Variants in DENND5A observed in about 807,000 individuals in gnomAD.
DENND5A encodes the protein DENN domain containing 5A.
A neutral mutation model predicts 140.3 loss-of-function variants in DENND5A; 64 were observed. The observed-to-expected ratio is 0.46, with a 90% CI of 0.37 to 0.56. DENND5A has a LOEUF of 0.56. Among genes scored for constraint, DENND5A ranks in the 20% least tolerant of loss-of-function variants. The pLI is 0.00. For synonymous variants in DENND5A, 605 were observed against 607.7 expected, an observed-to-expected ratio of 1.00 and a Z score of 0.07; for missense variants, 1,292 against 1,593.8, an observed-to-expected ratio of 0.81 and a Z score of 3.22.
intron 12 of DENND5A, among the ~76,000 whole-genome samples, chr11:9,155,804 G>C (rs564095853): frequency 3.3e-5 from 5 of 152,308 alleles, no homozygotes; most frequent in Middle Eastern, 3.4e-3. Flanking sequence ...CATCTCCTTG[G>C]AAGATGTCAC....
intron 17 of DENND5A, 174 bp downstream of exon 17, chr11:9,145,496 C>A: frequency 5.5e-6 from 4 of 733,802 alleles, no homozygotes; most frequent in South Asian, 1.8e-5. Context: ...GGGTGGGGTC[C>A]CCCTCCTCAG....
rs765794788 is a variant in DENND5A, at chr11:9,147,035, G to A, written c.2852C>T (p.Thr951Ile). 1.9e-6 allele frequency: 3 copies of A among 1,614,196 alleles called. No individual in the cohort carries two copies. The highest frequency in any genetic ancestry group is 2.2e-5 in the South Asian group (2 of 91,082). The change falls in exon 16 of 23, where the codon ACT becomes ATT. Residue 951 changes from threonine to isoleucine, a missense_variant. Coordinates refer to ENST00000328194, the MANE Select transcript of DENND5A (RefSeq NM_015213.4). ...DYFCFTNVFT[T>I]ILIPYHILIV... The stretch of plus-strand genomic sequence containing the variant: ...GGGAGCACAGGGCTACTCACGGATA[G>A]TTGTGAAGACATTGGTGAAGCAAAA...
At chr11:9,218,664 C>T (rs577609589) in intron 1 of DENND5A, among the ~76,000 whole-genome samples, 89 of 152,024 alleles carry the variant, frequency 5.9e-4, no homozygotes, top group African/African-American at 2.0e-3. Context: ...GAGCTGTGAT[C>T]GTGTCACTGC....
At chr11:9,248,966 G>A (rs1480602841) in intron 1 of DENND5A, among the ~76,000 whole-genome samples, 9 of 152,182 alleles carry the variant, frequency 5.9e-5, no homozygotes, top group South Asian at 4.2e-4. Context: ...GGCTGGGCGC[G>A]GTGGCTCACA....
intron 1 of DENND5A, among the ~76,000 whole-genome samples, chr11:9,220,407 C>T (rs1850263038): frequency 6.6e-6 from 1 of 151,784 alleles, no homozygotes; most frequent in African/African-American, 2.4e-5. Context: ...ATTAGCCGGG[C>T]GTGGTGGCAC....
intron 1 of DENND5A, among the ~76,000 whole-genome samples, chr11:9,261,026 T>C (rs1852172334): frequency 3.9e-5 from 1 of 25,942 alleles, no homozygotes; most frequent in Admixed American, 6.6e-4. Context: ...TTTTTTGTAC[T>C]TTCTGTAGAG....
intron 22 of DENND5A, among the ~76,000 whole-genome samples, chr11:9,141,019 G>C (rs759651121): frequency 6.6e-6 from 1 of 152,084 alleles, no homozygotes; most frequent in African/African-American, 2.4e-5. Context: ...CCAGCTACTC[G>C]GGAGGCTGAG....
At chr11:9,227,313 C>T (rs1266791161) in intron 1 of DENND5A, among the ~76,000 whole-genome samples, 2 of 152,132 alleles carry the variant, frequency 1.3e-5, no homozygotes, top group African/African-American at 2.4e-5. Context: ...TATTACATTA[C>T]GATCACTCAA....
In DENND5A at chr11:9,169,915, G is replaced by A. The variant is rs369856493; in HGVS notation, c.2092C>T (p.Arg698Trp). Reference sequence around the variant, plus strand: ...GTGTGCTGCTTCTGCCGATCTTTCCGCCTCCACTGGGCAGGGGCATTCCTT... The same window carrying A: ...GTGTGCTGCTTCTGCCGATCTTTCCACCTCCACTGGGCAGGGGCATTCCTT... ...TKRNAPAQWR[R>W]KDRQKQHTEH... The change falls in exon 10 of 23, where the codon CGG becomes TGG. Residue 698 changes from arginine to tryptophan, a missense_variant. Arg to Trp is a moderately radical substitution (Grantham distance 101, BLOSUM62 -3). Coordinates refer to ENST00000328194, the MANE Select transcript of DENND5A (RefSeq NM_015213.4). 9.3e-6 allele frequency: 15 copies of A among 1,613,630 alleles called. No individual in the cohort carries two copies. Among genetic ancestry groups the A allele is most frequent in the Middle Eastern group, 1.7e-4 (1 of 6,060 alleles).
chr11:9,247,229 T>TAA (rs75951139), intron 1 of DENND5A, among the ~76,000 whole-genome samples: 1,676 of 126,738 alleles, frequency 0.013, 30 homozygotes, highest in African/African-American at 0.045. Flanking sequence ...GACTCCGTCT[T>TAA]AAAAAAAAAA....
rs1245118875 is a variant in DENND5A, at chr11:9,203,837, G to A, written c.772C>T (p.Arg258Trp). 13 of 1,614,016 alleles carry A rather than the reference G, an allele frequency of 8.1e-6. No individual in the cohort carries two copies. Among genetic ancestry groups the A allele is most frequent in the African/African-American group, 2.7e-5 (2 of 74,900 alleles). The stretch of plus-strand genomic sequence containing the variant: ...TAGACCCCAGAAAACTTCAAGGACC[G>A]GCCAGGAGGTGGGAGCGGCACCTCG... ...LYEVPLPPPG[R>W]SLKFSGVYGP... Residue 258 changes from arginine (R) to tryptophan (W), a missense_variant, in exon 4 of 23, where the codon CGG becomes TGG. By Grantham distance (101) the Arg-to-Trp change is moderately radical. Around this residue, in one of 4 missense-constraint regions of DENND5A, gnomAD observed 566 missense variants for 650.4 expected, o/e 0.87. Coordinates refer to ENST00000328194, the MANE Select transcript of DENND5A (RefSeq NM_015213.4).
chr11:9,173,673 A>C (rs541228032), intron 8 of DENND5A, among the ~76,000 whole-genome samples: 1 of 152,302 alleles, frequency 6.6e-6, no homozygotes, highest in African/African-American at 2.4e-5. Flanking sequence ...CAGTTCTTAT[A>C]CTATGTGGAA....
chr11:9,170,509 C>T (rs1848334204), intron 9 of DENND5A, 118 bp downstream of exon 9: 1 of 1,287,372 alleles, frequency 7.8e-7, no homozygotes, highest in Non-Finnish European at 1.1e-6. Flanking sequence ...TCTGGGTCTT[C>T]TCCATATCTG....
At chr11:9,161,012 C>G (rs1057097494) in intron 11 of DENND5A, 147 bp from the exon 12 acceptor site, 1 of 780,740 alleles carries the variant, frequency 1.3e-6, no homozygotes, top group Non-Finnish European at 2.0e-6. Context: ...TATATTTATA[C>G]CCATGTAGGT....
chr11:9,203,374 C>T (rs761076034), intron 4 of DENND5A, among the ~76,000 whole-genome samples: 5 of 152,170 alleles, frequency 3.3e-5, no homozygotes, highest in Admixed American at 6.5e-5. Context: ...CTTCCTGTGA[C>T]CATCACCTCC....
At chr11:9,190,646 G>A (rs1252745585) in intron 5 of DENND5A, among the ~76,000 whole-genome samples, 1 of 152,080 alleles carries the variant, frequency 6.6e-6, no homozygotes, top group South Asian at 2.1e-4. Context: ...GTCTTTCTCA[G>A]CAGTGTAAAA....
chr11:9,246,529 T>C (rs1253689574), intron 1 of DENND5A, among the ~76,000 whole-genome samples: 2 of 150,906 alleles, frequency 1.3e-5, no homozygotes, highest in Non-Finnish European at 2.9e-5. Flanking sequence ...GGAGAATCAC[T>C]TGAACCCAGG....
At chr11:9,211,635 T>A (rs894865760) in intron 1 of DENND5A, among the ~76,000 whole-genome samples, 1 of 151,958 alleles carries the variant, frequency 6.6e-6, no homozygotes, top group African/African-American at 2.4e-5. Context: ...TCATAATGAA[T>A]GAAAAAATAG....
intron 1 of DENND5A, among the ~76,000 whole-genome samples, chr11:9,264,403 T>G (rs1013488677): frequency 6.6e-6 from 1 of 151,996 alleles, no homozygotes; most frequent in East Asian, 1.9e-4. Context: ...GAGTTCCTAC[T>G]CTTCTTGGTG....
Sources: gnomAD v4.1 joint callset for allele counts (sites outside exome capture counted in the v4.1 genomes callset) on GRCh38, gnomAD v4.1.1 for gene constraint, gnomAD v4.1.1 regional missense constraint, MANE v1.5 for transcripts, NCBI Gene and HGNC (gene_info 2026-07-23, HGNC 2026-07-21) for gene names.